RGSL1: variants seen among roughly 807,000 people sequenced by gnomAD.
RGSL1 encodes the protein regulator of G protein signaling protein-like.
In RGSL1, 97 loss-of-function variants were observed where a neutral mutation model predicts 124.7. The ratio of observed to expected loss-of-function variants is 0.78; its 90% CI spans 0.66 to 0.92. RGSL1 has a LOEUF of 0.92. RGSL1 is among the 40% of genes least tolerant of loss of function. The pLI, the probability that RGSL1 is intolerant of heterozygous loss-of-function variation, is 0.00. For missense variants in RGSL1, 1,233 were observed against 1,288.4 expected, an observed-to-expected ratio of 0.96 and a Z score of 0.66; for synonymous variants, 424 against 438.1, an observed-to-expected ratio of 0.97 and a Z score of 0.40.
intron 1 of RGSL1, chr1:182,450,505 T>A (rs16858983): frequency 0.12 from 44,885 of 370,390 alleles, 3,093 homozygotes; most frequent in East Asian, 0.25. Flanking sequence ...TGTTGCCAAG[T>A]CAATATTATT....
rs1571478730 is a variant in RGSL1, at chr1:182,462,039, C to A, written c.301+1906C>A. ...CCCAATGAACTCCAAGTAAGATGAA[C>A]TCAAAGAGATCCACACCAAGACATA... On this transcript the variant is annotated intron_variant, in intron 4 of 21. Transcript: ENST00000294854. Among the ~76,000 whole-genome samples the A allele has an allele frequency of 2.1e-5, 3 of 144,472 alleles. No homozygotes were observed. In the East Asian group the frequency reaches 6.2e-4, roughly 30 times the overall value. The allele number at this position is 144,472 out of a possible 152,430, so 94.8% of individuals were successfully genotyped here.
intron 14 of RGSL1, among the ~76,000 whole-genome samples, chr1:182,534,697 T>G (rs1659420683): frequency 6.6e-6 from 1 of 151,934 alleles, no homozygotes; most frequent in Non-Finnish European, 1.5e-5. Context: ...TGTGGTGGTG[T>G]GCACCTGTAA....
At chr1:182,545,652 T>C (rs1468962856) in intron 15 of RGSL1, among the ~76,000 whole-genome samples, 1 of 152,208 alleles carries the variant, frequency 6.6e-6, no homozygotes, top group Non-Finnish European at 1.5e-5. Flanking sequence ...CCTTCACAGT[T>C]GAAGGATAGC....
At chr1:182,545,189 A>G (rs906965680) in intron 15 of RGSL1, among the ~76,000 whole-genome samples, 1 of 152,148 alleles carries the variant, frequency 6.6e-6, no homozygotes, top group Non-Finnish European at 1.5e-5. Flanking sequence ...TATGAGGCTT[A>G]CCAAAATATT....
At chr1:182,529,355 T>C (rs1055990402) in intron 11 of RGSL1, among the ~76,000 whole-genome samples, 9 of 152,176 alleles carry the variant, frequency 5.9e-5, no homozygotes, top group Non-Finnish European at 8.8e-5. Context: ...TGAAGTTAGA[T>C]ACAAAAACCA....
chr1:182,450,363 T>C, intron 1 of RGSL1, 185 bp downstream of exon 1: 1 of 697,192 alleles, frequency 1.4e-6, no homozygotes. Flanking sequence ...TGCCACCAGA[T>C]CTTTGAGGAT....
chr1:182,546,849 A>G (rs762533382), intron 15 of RGSL1, among the ~76,000 whole-genome samples: 23 of 152,228 alleles, frequency 1.5e-4, no homozygotes, highest in Non-Finnish European at 2.8e-4. Context: ...TCTTTACAAT[A>G]GGGAAAGATA....
At position 182,458,401 on chromosome 1, in the gene RGSL1, A is replaced by C; in HGVS notation, c.171+8A>C. On this transcript the variant is annotated splice_region_variant and intron_variant, in intron 3 of 21. Coordinates refer to ENST00000294854, the MANE Select transcript of RGSL1 (RefSeq NM_001137669.2). The stretch of plus-strand genomic sequence containing the variant: ...GAAATACCTTGTAACTTGGTGAGTA[A>C]AATTCTTCAGAGGTAGAGAGTTTAG... The C allele has an allele frequency of 6.5e-7, 1 of 1,548,292 alleles. No homozygotes were observed. Among genetic ancestry groups the C allele is most frequent in the Non-Finnish European group, 8.7e-7 (1 of 1,143,652 alleles).
intron 14 of RGSL1, among the ~76,000 whole-genome samples, chr1:182,533,239 C>T (rs1659305928): frequency 7.8e-6 from 1 of 127,542 alleles, no homozygotes; most frequent in South Asian, 2.3e-4. Context: ...GTATATGTAT[C>T]TTAATATTTA....
chr1:182,529,600 T>A (rs946041405), intron 11 of RGSL1, among the ~76,000 whole-genome samples: 11 of 152,220 alleles, frequency 7.2e-5, no homozygotes, highest in African/African-American at 2.7e-4. Context: ...GGTATTTTTG[T>A]GTGTTTGGTT....
At chr1:182,504,476 T>C (rs76014619) in intron 9 of RGSL1, among the ~76,000 whole-genome samples, 1 of 6,774 alleles carries the variant, frequency 1.5e-4, no homozygotes, top group African/African-American at 7.9e-4. Context: ...GCCATACTTT[T>C]TTTTTTTTTT....
intron 17 of RGSL1, 105 bp from the exon 18 acceptor site, chr1:182,550,995 C>T: frequency 2.7e-6 from 2 of 727,682 alleles, no homozygotes; most frequent in East Asian, 5.4e-5. Context: ...TGTTGGACAC[C>T]CACATTCTCT....
chr1:182,502,140 A>T (rs1656435278), intron 9 of RGSL1, among the ~76,000 whole-genome samples: 12 of 152,170 alleles, frequency 7.9e-5, no homozygotes, highest in Admixed American at 7.9e-4. Context: ...AAGTCTAGCT[A>T]AATGTTTGCC....
chr1:182,466,293 A>G (rs902853246), intron 4 of RGSL1, among the ~76,000 whole-genome samples: 6 of 152,144 alleles, frequency 3.9e-5, no homozygotes, highest in Non-Finnish European at 8.8e-5. Flanking sequence ...ATTTCACACC[A>G]TACTGGAAAC....
chr1:182,472,669 A>G (rs1653944146), intron 5 of RGSL1, 112 bp downstream of exon 5: 14 of 1,184,052 alleles, frequency 1.2e-5, no homozygotes, highest in South Asian at 9.1e-5. Context: ...TCCATCTTCT[A>G]TGTATCAGAG....
At chr1:182,550,701 A>G in intron 17 of RGSL1, 1 of 171,900 alleles carries the variant, frequency 5.8e-6, no homozygotes, top group South Asian at 1.8e-4. Flanking sequence ...GGAAACTAGG[A>G]TTAGGACCTG....
chr1:182,522,248 A>G (rs993395011), intron 10 of RGSL1, 139 bp downstream of exon 10: 10 of 648,624 alleles, frequency 1.5e-5, no homozygotes, highest in Middle Eastern at 3.0e-4. Context: ...AGGTACAGAC[A>G]CTCTTAGTAT....
intron 11 of RGSL1, among the ~76,000 whole-genome samples, chr1:182,528,087 T>C (rs1052773021): frequency 5.3e-5 from 8 of 152,044 alleles, no homozygotes; most frequent in Non-Finnish European, 1.2e-4. Flanking sequence ...AGGAAACTTA[T>C]AATCATGGCA....
intron 9 of RGSL1, among the ~76,000 whole-genome samples, chr1:182,496,119 T>G (rs940078706): frequency 3.9e-5 from 6 of 151,902 alleles, no homozygotes; most frequent in Non-Finnish European, 8.8e-5. Context: ...CTCAGAAAAT[T>G]TACAGTCATG....
Sources: gnomAD v4.1 joint callset for allele counts (sites outside exome capture counted in the v4.1 genomes callset) on GRCh38, gnomAD v4.1.1 for gene constraint, MANE v1.5 for transcripts, NCBI Gene and HGNC (gene_info 2026-07-23, HGNC 2026-07-21) for gene names.